Variants in AGO2 observed in about 807,000 individuals in gnomAD.
AGO2 encodes argonaute RISC catalytic component 2.
A neutral mutation model predicts 102.3 loss-of-function variants in AGO2; 5 were observed. The ratio of observed to expected loss-of-function variants is 0.05; its 90% confidence interval spans 0.03 to 0.10. The LOEUF (loss-of-function observed/expected upper bound fraction) is 0.10, where lower values mean the gene tolerates loss of function less well. Ranked by LOEUF, AGO2 falls within the 10% of genes least tolerant of loss-of-function variation. The pLI is 1.00. For missense variants in AGO2, 541 were observed against 1,183.7 expected (o/e 0.46, Z 7.97); for synonymous variants, 449 against 473.1 (o/e 0.95, Z 0.66).
rs2132849435 is a variant in AGO2 at position 140,530,589 on chromosome 8, T to G, written c.*1455A>C. The G allele has an allele frequency of 6.6e-6, 1 of 152,430 alleles. No homozygotes were observed. The highest frequency in any genetic ancestry group is 6.5e-5 in the Admixed American group (1 of 15,312). The allele number at this position is 152,430 out of a possible 1,614,324, so 9.4% of individuals were successfully genotyped here. ...TCAAAATCGTCCGTGGTGTCACTCT[T>G]AGTGCAACAGTTTCTAGATTGGCAA... is the stretch of plus-strand genomic sequence containing the variant. On this transcript the variant is annotated 3_prime_UTR_variant, in exon 19 of 19. Transcript: ENST00000220592.
At chr8:140,553,423 T>TC (rs1564082734) in intron 10 of AGO2, among the ~76,000 whole-genome samples, 3 of 150,954 alleles carry the variant, frequency 2.0e-5, no homozygotes, top group African/African-American at 7.3e-5. Flanking sequence ...TTTTTTTTTT[T>TC]TTTGAGACGG....
chr8:140,603,615 G>C (rs1588498535), intron 1 of AGO2, among the ~76,000 whole-genome samples: 1 of 152,208 alleles, frequency 6.6e-6, no homozygotes, highest in Non-Finnish European at 1.5e-5. Context: ...TCCAGAGGTG[G>C]AGCCACGCAC....
At chr8:140,550,008 C>CTT (rs1164101674) in intron 11 of AGO2, among the ~76,000 whole-genome samples, 1 of 152,194 alleles carries the variant, frequency 6.6e-6, no homozygotes, top group East Asian at 1.9e-4. Flanking sequence ...GGTCAAGAAA[C>CTT]ACGTGTGTGT....
chr8:140,584,014 G>A (rs1054959715), intron 2 of AGO2, among the ~76,000 whole-genome samples: 1 of 152,072 alleles, frequency 6.6e-6, no homozygotes, highest in Non-Finnish European at 1.5e-5. Flanking sequence ...TTGTCATGCG[G>A]TACATGACTG....
In AGO2 at chr8:140,574,163, G is replaced by C. The variant is rs190586383; in HGVS notation, c.216-1231C>G. Among the ~76,000 whole-genome samples the C allele has an allele frequency of 6.5e-4, 79 of 120,956 alleles. No homozygotes were observed. The East Asian group carries it at 0.021, about 32-fold the overall frequency. 79.4% of individuals were successfully genotyped at this position (120,956 alleles called of 152,430 possible). A position where few individuals can be genotyped will look rare whatever the true frequency, so the allele number is the denominator to read the frequency against. ...CAACCCCCACTTCCCCACCGTGACA[G>C]AGAGGCCTCCAGAAACACACTCTGC... On this transcript the variant is annotated intron_variant, in intron 2 of 18. Transcript: ENST00000220592.
At chr8:140,585,047 G>C (rs1372313976) in intron 2 of AGO2, 72 bp downstream of exon 2, 1 of 1,405,226 alleles carries the variant, frequency 7.1e-7, no homozygotes, top group Non-Finnish European at 9.6e-7. Context: ...GAATTTCAGA[G>C]TTGATTAGTT....
Position 140,531,186 on chromosome 8 carries a change from A to T in AGO2, c.*858T>A, listed in dbSNP as rs1334713722. ...TTAATACTGCAAACCAGATATATATATTCTTCTCTTACATTAAAGACATAA... is the reference window on the plus strand; with the variant it reads ...TTAATACTGCAAACCAGATATATATTTTCTTCTCTTACATTAAAGACATAA... On this transcript the variant is annotated 3_prime_UTR_variant, in exon 19 of 19. Transcript: ENST00000220592. 1 of 152,664 alleles carries T rather than the reference A, an allele frequency of 6.6e-6. No individual in the cohort carries two copies. Among genetic ancestry groups the T allele is most frequent in the South Asian group, 2.1e-4 (1 of 4,826 alleles). The allele number at this position is 152,664 out of a possible 1,614,324, so 9.5% of individuals were successfully genotyped here.
intron 6 of AGO2, 81 bp downstream of exon 6, chr8:140,559,313 AG>A: frequency 1.3e-6 from 2 of 1,552,528 alleles, no homozygotes; most frequent in Non-Finnish European, 1.8e-6. Context: ...CACAAGAACC[AG>A]AACTGCAAAA....
the AGO2 span, among the ~76,000 whole-genome samples, chr8:140,640,901 A>C: frequency 1.3e-5 from 2 of 152,206 alleles, no homozygotes. Context: ...GTCAAGAGTT[A>C]CAAATTCATC....
In AGO2 at chr8:140,558,570, G is replaced by A. The variant is rs2132935994; in HGVS notation, c.793C>T (p.Leu265=). Residue 265 remains leucine (L), a splice_region_variant and synonymous_variant, in exon 7 of 19, where the codon CTA becomes TTA. Transcript: ENST00000220592. ...RVKFTKEIKG[L]KVEITHCGQM... ...CCACAGTGCGTTATCTCCACCTTTAGACCTGGGGACACAGAACACAGGCAT... is the reference window on the plus strand; with the variant it reads ...CCACAGTGCGTTATCTCCACCTTTAAACCTGGGGACACAGAACACAGGCAT... The A allele has an allele frequency of 6.2e-7, 1 of 1,614,164 alleles. No homozygotes were observed. Among genetic ancestry groups the A allele is most frequent in the Non-Finnish European group, 8.5e-7 (1 of 1,180,004 alleles).
At position 140,535,393 on chromosome 8, in the gene AGO2, T is replaced by C. The variant is rs895672818; in HGVS notation, c.2271+75A>G. 4.1e-6 allele frequency: 6 copies of C among 1,470,990 alleles called. No homozygotes were observed. The South Asian group carries it at 6.8e-5, about 17-fold the overall frequency. 91.1% of individuals were successfully genotyped at this position (1,470,990 alleles called of 1,614,324 possible). ...ACCACATCCCACGTGCCAGCCAGAG[T>C]GCAAGTGTTTGCTGAATGTGGGGAT... On this transcript the variant is annotated intron_variant, in intron 17 of 18. Coordinates refer to ENST00000220592, the MANE Select transcript of AGO2 (RefSeq NM_012154.5).
At chr8:140,629,397 G>C (rs1041548159) in intron 1 of AGO2, among the ~76,000 whole-genome samples, 3 of 120,318 alleles carry the variant, frequency 2.5e-5, no homozygotes, top group African/African-American at 7.8e-5. Flanking sequence ...GTCACTGTAT[G>C]GGGGAAGTAA....
At chr8:140,550,412 CG>C (rs2072975541) in intron 11 of AGO2, among the ~76,000 whole-genome samples, 1 of 152,208 alleles carries the variant, frequency 6.6e-6, no homozygotes, top group African/African-American at 2.4e-5. Context: ...CCGCTGGGCC[CG>C]TACCTGGCAC....
rs1016876869 is a variant in AGO2, at chr8:140,527,947, G to T, written c.*4097C>A. On this transcript the variant is annotated 3_prime_UTR_variant, in exon 19 of 19. Transcript: ENST00000220592. The surrounding 1 kb of genome is among the most constrained non-coding windows in gnomAD (Gnocchi z 6.0). ...AAGGACTCATCCAGTTCCCAGAGGCGCAGGGAACAAGCCACGGGCCACCCC... is the reference window on the plus strand; with the variant it reads ...AAGGACTCATCCAGTTCCCAGAGGCTCAGGGAACAAGCCACGGGCCACCCC... 3 of 152,280 alleles carry T rather than the reference G, an allele frequency of 2.0e-5. No homozygotes were observed. The highest frequency in any genetic ancestry group is 4.4e-5 in the Non-Finnish European group (3 of 68,072). 9.4% of individuals were successfully genotyped at this position (152,280 alleles called of 1,614,324 possible).
intron 3 of AGO2, among the ~76,000 whole-genome samples, chr8:140,570,970 CCTT>C (rs1199842011): frequency 6.6e-6 from 1 of 152,166 alleles, no homozygotes; most frequent in Non-Finnish European, 1.5e-5. Flanking sequence ...TGCACAAACT[CCTT>C]ATGCTTTTCT....
At chr8:140,569,694 G>C (rs2073346955) in intron 3 of AGO2, among the ~76,000 whole-genome samples, 1 of 152,158 alleles carries the variant, frequency 6.6e-6, no homozygotes, top group East Asian at 1.9e-4. Flanking sequence ...TGATCAACTT[G>C]TATAGTTTCC....
chr8:140,601,227 T>C (rs1432835938), intron 1 of AGO2, among the ~76,000 whole-genome samples: 10 of 152,306 alleles, frequency 6.6e-5, no homozygotes, highest in Admixed American at 2.6e-4. Flanking sequence ...GCCTTTGCAC[T>C]TCCTGTCTAC....
chr8:140,544,081 G>T, intron 14 of AGO2, 132 bp downstream of exon 14: 1 of 960,676 alleles, frequency 1.0e-6, no homozygotes. Context: ...CAAGACCCCG[G>T]CCGTCCCTAC....
At position 140,589,468 on chromosome 8, in the gene AGO2, G is replaced by A. The variant is rs917657304; in HGVS notation, c.23-4157C>T. Among the ~76,000 whole-genome samples the A allele has an allele frequency of 3.3e-5, 5 of 152,052 alleles. No homozygotes were observed. Among genetic ancestry groups the A allele is most frequent in the African/African-American group, 7.2e-5 (3 of 41,394 alleles). On this transcript the variant is annotated intron_variant, in intron 1 of 18. Transcript: ENST00000220592. This position sits in a 1 kb window ranked among gnomAD's most constrained non-coding sequence, Gnocchi z 4.2. Reference sequence around the variant, plus strand: ...GCCCAGGGCTGTCTCCTAGGAAGCCGGCCCAGTGCTCAGCACCCATGAATC... The same window carrying A: ...GCCCAGGGCTGTCTCCTAGGAAGCCAGCCCAGTGCTCAGCACCCATGAATC...
Sources: gnomAD v4.1 joint callset for allele counts (sites outside exome capture counted in the v4.1 genomes callset) on GRCh38, gnomAD v4.1.1 for gene constraint, Gnocchi (gnomAD v3.1) non-coding constraint, MANE v1.5 for transcripts, NCBI Gene and HGNC (gene_info 2026-07-23, HGNC 2026-07-21) for gene names.